The following ARID3B variants were observed in gnomAD, a reference collection of about 807,000 sequenced individuals.
The protein encoded by ARID3B is AT-rich interaction domain 3B.
In ARID3B, 10 loss-of-function variants were observed where a neutral mutation model predicts 51.9. That is an observed-to-expected ratio of 0.19 (90% CI 0.12 to 0.33). ARID3B has a LOEUF of 0.33. ARID3B is among the 10% of genes least tolerant of loss of function. ARID3B has a pLI of 1.00. For missense variants in ARID3B, 483 were observed against 716.3 expected, an observed-to-expected ratio of 0.67 and a Z score of 3.72; for synonymous variants, 205 against 279.5, an observed-to-expected ratio of 0.73 and a Z score of 2.66.
rs1015556118 is a variant in ARID3B, at chr15:74,547,186, G to A, written c.552+2698G>A. 6.0e-4 allele frequency among the ~76,000 whole-genome samples: 87 copies of A among 144,624 alleles called. 1 individual carries two copies. The highest frequency in any genetic ancestry group is 2.2e-3 in the African/African-American group (86 of 38,750). 94.9% of individuals were successfully genotyped at this position (144,624 alleles called of 152,430 possible). A position where few individuals can be genotyped will look rare whatever the true frequency, so the allele number is the denominator to read the frequency against. ...CTTCCCCCTCCCCCGCCGACACAGAGCGCACTCTGTTGCCCAGGCTGGAGT... is the reference window on the plus strand; with the variant it reads ...CTTCCCCCTCCCCCGCCGACACAGAACGCACTCTGTTGCCCAGGCTGGAGT... On this transcript the variant is annotated intron_variant, in intron 2 of 8. Transcript: ENST00000346246.
intron 3 of ARID3B, 50 bp downstream of exon 3, chr15:74,572,983 T>A (rs769964237): frequency 1.2e-6 from 2 of 1,604,554 alleles, no homozygotes; most frequent in Non-Finnish European, 1.7e-6. Context: ...CTGCAGTGGC[T>A]TGTTACAGCT....
chr15:74,592,788 T>G (rs560682426), intron 7 of ARID3B, among the ~76,000 whole-genome samples: 1 of 151,486 alleles, frequency 6.6e-6, no homozygotes, highest in Admixed American at 6.5e-5. Context: ...TGGGTCTCAT[T>G]GATCTCTGAT....
At chr15:74,553,916 CG>C (rs2141450081) in intron 2 of ARID3B, among the ~76,000 whole-genome samples, 1 of 152,024 alleles carries the variant, frequency 6.6e-6, no homozygotes, top group East Asian at 1.9e-4. Context: ...CTCCGCCTCC[CG>C]GGTTCAAGAG....
At chr15:74,557,966 C>T (rs529205656) in intron 2 of ARID3B, among the ~76,000 whole-genome samples, 4 of 151,734 alleles carry the variant, frequency 2.6e-5, no homozygotes, top group East Asian at 1.9e-4. Flanking sequence ...GGACTACAGG[C>T]GCCCGCCACC....
intron 4 of ARID3B, among the ~76,000 whole-genome samples, chr15:74,575,761 T>C (rs1259804242): frequency 6.6e-6 from 1 of 152,238 alleles, no homozygotes; most frequent in Non-Finnish European, 1.5e-5. Flanking sequence ...GGTATTTCAC[T>C]GTTTGCTGGC....
intron 2 of ARID3B, among the ~76,000 whole-genome samples, chr15:74,572,050 A>G (rs2061720906): frequency 6.6e-6 from 1 of 152,202 alleles, no homozygotes; most frequent in African/African-American, 2.4e-5. Flanking sequence ...CAGAGGTTGC[A>G]GTGAGCCGAG....
intron 4 of ARID3B, among the ~76,000 whole-genome samples, chr15:74,582,120 CTTCT>C (rs928571507): frequency 6.6e-5 from 10 of 152,304 alleles, no homozygotes; most frequent in Admixed American, 6.5e-4. Flanking sequence ...AGTCCACCTC[CTTCT>C]GACTCATTGG....
intron 4 of ARID3B, among the ~76,000 whole-genome samples, chr15:74,583,961 C>T (rs1337070618): frequency 6.6e-6 from 1 of 152,186 alleles, no homozygotes; most frequent in Non-Finnish European, 1.5e-5. Context: ...GCACGGCAGA[C>T]TACCAGACAC....
chr15:74,560,705 C>T (rs1001328304), intron 2 of ARID3B, among the ~76,000 whole-genome samples: 1 of 152,172 alleles, frequency 6.6e-6, no homozygotes, highest in Non-Finnish European at 1.5e-5. Flanking sequence ...GCTTCTAGGA[C>T]TGTTTCTGTG....
intron 2 of ARID3B, among the ~76,000 whole-genome samples, chr15:74,546,619 A>G (rs553720194): frequency 1.6e-4 from 25 of 152,246 alleles, no homozygotes; most frequent in Non-Finnish European, 2.6e-4. Context: ...GTAGCTCAGT[A>G]TTCAGGGGGC....
At chr15:74,570,319 A>G (rs1266160655) in intron 2 of ARID3B, among the ~76,000 whole-genome samples, 2 of 152,150 alleles carry the variant, frequency 1.3e-5, no homozygotes, top group East Asian at 3.9e-4. Flanking sequence ...TGGTCACACT[A>G]GCGTGCTTGT....
intron 4 of ARID3B, among the ~76,000 whole-genome samples, chr15:74,584,363 A>G (rs1167216487): frequency 1.3e-5 from 2 of 152,224 alleles, no homozygotes; most frequent in African/African-American, 2.4e-5. Context: ...CCTGCTTAAC[A>G]CAGGTCTTAA....
rs148820615 is a variant in ARID3B at position 74,544,325 on chromosome 15, A to G, written c.389A>G (p.Gln130Arg). The G allele has an allele frequency of 7.3e-4, 1,170 of 1,612,164 alleles. No homozygotes were observed. The highest frequency in any genetic ancestry group is 1.6e-3 in the South Asian group (148 of 90,764). Residue 130 changes from glutamine to arginine, a missense_variant, in exon 2 of 9, where the codon CAA (glutamine) becomes CGA (arginine). Coordinates refer to ENST00000346246, the MANE Select transcript of ARID3B (RefSeq NM_006465.4). ...TTTCATGTGCAGAAAGTAGCTCGCC[A>G]AGATCCCAGAGTGGCACCCATGTCC... ...KYFHVQKVARQDPRVAPMSNL... is the reference protein window; with the variant it reads ...KYFHVQKVARRDPRVAPMSNL...
intron 1 of ARID3B, 44 bp from the exon 2 acceptor site, chr15:74,543,813 GGTT>G: frequency 7.8e-7 from 1 of 1,284,090 alleles, no homozygotes. Context: ...TGCTTAACAT[GGTT>G]GTTTTTTCCC....
At chr15:74,550,803 C>T (rs1441976559) in intron 2 of ARID3B, among the ~76,000 whole-genome samples, 1 of 152,114 alleles carries the variant, frequency 6.6e-6, no homozygotes, top group African/African-American at 2.4e-5. Flanking sequence ...TGAACCCATG[C>T]ATCAATCTAT....
chr15:74,586,253 G>C (rs1467080406), intron 4 of ARID3B, among the ~76,000 whole-genome samples: 1 of 152,198 alleles, frequency 6.6e-6, no homozygotes, highest in African/African-American at 2.4e-5. Flanking sequence ...TCCCAGAAGA[G>C]TACACTTTCC....
At chr15:74,559,621 G>C (rs1056618765) in intron 2 of ARID3B, among the ~76,000 whole-genome samples, 3 of 152,114 alleles carry the variant, frequency 2.0e-5, no homozygotes, top group Admixed American at 2.0e-4. Flanking sequence ...AACCCAGGTG[G>C]TCTGACTTCT....
intron 2 of ARID3B, among the ~76,000 whole-genome samples, chr15:74,566,155 ACT>A: frequency 6.6e-6 from 1 of 152,242 alleles, no homozygotes; most frequent in South Asian, 2.1e-4. Context: ...AGCTTGGGCT[ACT>A]GCACAGCCAC....
intron 4 of ARID3B, among the ~76,000 whole-genome samples, chr15:74,589,194 AT>A (rs879624377): frequency 1.6e-3 from 247 of 151,106 alleles, no homozygotes; most frequent in South Asian, 5.9e-3. Flanking sequence ...TGCCAGGCTA[AT>A]TTTTTTTGTA....
Sources: allele counts gnomAD v4.1 joint callset (sites outside exome capture counted in the v4.1 genomes callset), GRCh38; gene constraint gnomAD v4.1.1; transcripts MANE v1.5; gene names NCBI Gene and HGNC (gene_info 2026-07-23, HGNC 2026-07-21).